Variants in CREB3 observed in about 807,000 individuals in gnomAD.
CREB3 encodes cAMP responsive element binding protein 3.
CREB3 carries 29 observed loss-of-function variants against 34.5 expected under a neutral mutation model. The observed-to-expected ratio is 0.84, with a 90% CI of 0.63 to 1.15. The LOEUF (loss-of-function observed/expected upper bound fraction) is 1.15. CREB3 is among the 50% of genes most tolerant of loss of function. The pLI is 0.00. For synonymous variants in CREB3, 187 were observed against 173.9 expected, an observed-to-expected ratio of 1.08 and a Z score of -0.59; for missense variants, 447 against 443.4, an observed-to-expected ratio of 1.01 and a Z score of -0.07.
At chr9:35,733,359 C>T (rs1826129309) in intron 3 of CREB3, 37 bp from the exon 4 acceptor site, 1 of 1,607,488 alleles carries the variant, frequency 6.2e-7, no homozygotes, top group Admixed American at 1.7e-5. Flanking sequence ...TCTCTGACAT[C>T]CCCATGCAAC....
rs1826130169 is a variant in CREB3, at chr9:35,733,379, CTTTCTTGTTACCCTA to C, written c.346-16_346-2del. 6.2e-7 allele frequency: 1 copy of C among 1,612,478 alleles called. No homozygotes were observed. Among genetic ancestry groups the C allele is most frequent in the South Asian group, 1.1e-5 (1 of 91,042 alleles). ...GACATCCCCATGCAACTGCCGTCCACTTTCTTGTTACCCTAGGAGATTGCTAGGCTAGTACTGACA... is the reference window on the plus strand; with the variant it reads ...GACATCCCCATGCAACTGCCGTCCACGGAGATTGCTAGGCTAGTACTGACA... On this transcript the variant is annotated splice_acceptor_variant and splice_polypyrimidine_tract_variant and intron_variant, in intron 3 of 8. Coordinates refer to ENST00000353704, the MANE Select transcript of CREB3 (RefSeq NM_006368.5). LOFTEE classifies it high-confidence loss of function.
Position 35,735,198 on chromosome 9 carries a change from T to TG in CREB3, c.530dup (p.Leu178PhefsTer42). ...GCCGCAGGAAAAAGAAGGTGTATGT[T>TG]GGGGGTTTAGAGAGCAGGTATGAAA... On this transcript the variant is annotated frameshift_variant, in exon 5 of 9. Coordinates refer to ENST00000353704, the MANE Select transcript of CREB3 (RefSeq NM_006368.5). LOFTEE classifies it high-confidence loss of function. The TG allele has an allele frequency of 6.2e-7, 1 of 1,609,984 alleles. No homozygotes were observed. Among genetic ancestry groups the TG allele is most frequent in the Non-Finnish European group, 8.5e-7 (1 of 1,178,960 alleles).
At chr9:35,733,344 A>G in intron 3 of CREB3, 52 bp from the exon 4 acceptor site, 2 of 1,610,660 alleles carry the variant, frequency 1.2e-6, no homozygotes, top group Non-Finnish European at 1.7e-6. Context: ...AGGATTCCCC[A>G]TTCCTCTCTG....
chr9:35,734,935 G>C (rs1056999076), intron 4 of CREB3, among the ~76,000 whole-genome samples, 174 bp from the exon 5 acceptor site: 2 of 152,102 alleles, frequency 1.3e-5, no homozygotes, highest in African/African-American at 4.8e-5. Flanking sequence ...AAATGGTCTG[G>C]CTTGTTAGGG....
intron 6 of CREB3, 102 bp from the exon 7 acceptor site, chr9:35,735,946 G>A: frequency 3.6e-6 from 3 of 827,562 alleles, no homozygotes; most frequent in Admixed American, 4.2e-5. Context: ...TAAGAGAGAG[G>A]ATCCAGTGCA....
Position 35,733,097 on chromosome 9 carries a change from T to C in CREB3, c.231T>C (p.His77=), listed in dbSNP as rs1255802826. ...CCTCCAACCCCTGCCTTGTCCACCA[T>C]GACCACACCTACTCCCTCCCACGGG... The part of the protein sequence containing the change: ...LSSSNPCLVH[H]DHTYSLPRET... Residue 77 remains histidine, a synonymous_variant, in exon 2 of 9, where the codon CAT becomes CAC. Transcript: ENST00000353704. 1 of 1,614,234 alleles carries C rather than the reference T, an allele frequency of 6.2e-7. No homozygotes were observed. The highest frequency in any genetic ancestry group is 1.7e-5 in the Admixed American group (1 of 60,028).
chr9:35,736,763 G>C lies in CREB3; in HGVS notation c.*37G>C. 6.5e-7 allele frequency: 1 copy of C among 1,539,244 alleles called. No individual in the cohort carries two copies. The highest frequency in any genetic ancestry group is 1.4e-5 in the African/African-American group (1 of 73,548). Reference sequence around the variant, plus strand: ...TGTGGGGGGTCTCAGCAGGAGCCTGGGGGGCTCCCCATCTGTGTCCAAATA... The same window carrying C: ...TGTGGGGGGTCTCAGCAGGAGCCTGCGGGGCTCCCCATCTGTGTCCAAATA... On this transcript the variant is annotated 3_prime_UTR_variant, in exon 9 of 9. Coordinates refer to ENST00000353704, the MANE Select transcript of CREB3 (RefSeq NM_006368.5).
chr9:35,735,502 C>T (rs913435152), intron 6 of CREB3, 128 bp downstream of exon 6: 3 of 789,292 alleles, frequency 3.8e-6, no homozygotes, highest in Non-Finnish European at 6.5e-6. Context: ...CCAAGAAGCT[C>T]CCAGTAGTGA....
Position 35,736,641 on chromosome 9 carries a change from C to G in CREB3, c.1031C>G (p.Pro344Arg). The change falls in exon 9 of 9, where the codon CCC (proline) becomes CGC (arginine). Residue 344 changes from proline to arginine, a missense_variant. By Grantham distance (103) the Pro-to-Arg change is moderately radical. Transcript: ENST00000353704. ...SEPLCRGPIL[P>R]LQANLTRKGG... ...CCTCTCTGCCGAGGTCCCATCCTCC[C>G]CCTGCAGGCAAATCTCACAAGGAAG... is the stretch of plus-strand genomic sequence containing the variant. The G allele has an allele frequency of 6.2e-7, 1 of 1,613,798 alleles. No individual in the cohort carries two copies. Among genetic ancestry groups the G allele is most frequent in the Non-Finnish European group, 8.5e-7 (1 of 1,180,030 alleles).
chr9:35,734,267 A>G (rs1306942199), intron 4 of CREB3, among the ~76,000 whole-genome samples: 2 of 152,130 alleles, frequency 1.3e-5, no homozygotes, highest in Non-Finnish European at 2.9e-5. Context: ...TCTTCAAAGT[A>G]CAAGATGAGT....
rs530130951 is a variant in CREB3, at chr9:35,733,120, G to A, written c.254G>A (p.Arg85Gln). The part of the protein sequence containing the change: ...VHHDHTYSLP[R>Q]ETVSMDLESE... ...CATGACCACACCTACTCCCTCCCAC[G>A]GGAAACTGTCTCTATGGATCTAGGT... is the stretch of plus-strand genomic sequence containing the variant. The change falls in exon 2 of 9, where the codon CGG (arginine) becomes CAG (glutamine). Residue 85 changes from arginine to glutamine, a missense_variant. Transcript: ENST00000353704. 10 of 1,614,054 alleles carry A rather than the reference G, an allele frequency of 6.2e-6. No homozygotes were observed. Among genetic ancestry groups the A allele is most frequent in the Non-Finnish European group, 8.5e-6 (10 of 1,180,040 alleles).
rs370021036 is a variant in CREB3, at chr9:35,736,031, C to A, written c.612-17C>A. On this transcript the variant is annotated splice_polypyrimidine_tract_variant and intron_variant, in intron 6 of 8. Coordinates refer to ENST00000353704, the MANE Select transcript of CREB3 (RefSeq NM_006368.5). Reference sequence around the variant, plus strand: ...TAGGCCAGGGGATGCTCACTATTGGCCCCTCTCTTCCTCTAGGTCCCTTCT... The same window carrying A: ...TAGGCCAGGGGATGCTCACTATTGGACCCTCTCTTCCTCTAGGTCCCTTCT... The A allele has an allele frequency of 8.8e-5, 141 of 1,600,974 alleles. No homozygotes were observed. The African/African-American group carries it at 1.7e-3, about 19-fold the overall frequency.
At position 35,736,625 on chromosome 9, in the gene CREB3, C is replaced by A. The variant is rs568701580; in HGVS notation, c.1015C>A (p.Arg339=). 1 of 1,613,876 alleles carries A rather than the reference C, an allele frequency of 6.2e-7. No individual in the cohort carries two copies. The highest frequency in any genetic ancestry group is 1.7e-5 in the Admixed American group (1 of 60,026). ...FPDLFSEPLC[R]GPILPLQANL... is the part of the protein sequence containing the mutation. ...TGACCTCTTCTCAGAGCCTCTCTGC[C>A]GAGGTCCCATCCTCCCCCTGCAGGC... Residue 339 remains arginine, a synonymous_variant, in exon 9 of 9, where the codon CGA becomes AGA. Coordinates refer to ENST00000353704, the MANE Select transcript of CREB3 (RefSeq NM_006368.5).
At position 35,736,565 on chromosome 9, in the gene CREB3, C is replaced by T. The variant is rs1325845649; in HGVS notation, c.955C>T (p.Pro319Ser). 1.2e-6 allele frequency: 2 copies of T among 1,614,188 alleles called. No homozygotes were observed. The highest frequency in any genetic ancestry group is 2.7e-5 in the African/African-American group (2 of 75,060). Residue 319 changes from proline to serine, a missense_variant, in exon 9 of 9, where the codon CCC becomes TCC. Physicochemically the swap from Pro to Ser is moderately conservative, Grantham distance 74. Coordinates refer to ENST00000353704, the MANE Select transcript of CREB3 (RefSeq NM_006368.5). Reference protein sequence around the residue: ...SCLLHYMPQAPSAEPPLEWPF... With the variant: ...SCLLHYMPQASSAEPPLEWPF... ...CCTGCTGCATTACATGCCTCAGGCT[C>T]CCAGTGCAGAGCCTCCCCTGGAGTG...
At chr9:35,733,563 C>T in intron 4 of CREB3, 78 bp downstream of exon 4, 1 of 957,866 alleles carries the variant, frequency 1.0e-6, no homozygotes, top group Non-Finnish European at 1.6e-6. Context: ...AACTTTATAT[C>T]AATAACTTTA....
intron 6 of CREB3, 83 bp downstream of exon 6, chr9:35,735,457 C>A: frequency 7.8e-7 from 1 of 1,278,116 alleles, no homozygotes; most frequent in Non-Finnish European, 1.1e-6. Context: ...CACTTGATTT[C>A]TAACTGGGCA....
intron 4 of CREB3, among the ~76,000 whole-genome samples, chr9:35,734,363 G>A (rs914268186): frequency 6.6e-6 from 1 of 152,130 alleles, no homozygotes; most frequent in East Asian, 1.9e-4. Flanking sequence ...TCACTCTCTT[G>A]CTTTCCTTGA....
chr9:35,736,237 T>C lies in CREB3; in HGVS notation c.707T>C (p.Val236Ala). 1 of 1,614,148 alleles carries C rather than the reference T, an allele frequency of 6.2e-7. No homozygotes were observed. The highest frequency in any genetic ancestry group is 2.2e-5 in the East Asian group (1 of 44,882). Residue 236 changes from valine (V) to alanine (A), a missense_variant, in exon 8 of 9, where the codon GTC becomes GCC. Physicochemically the swap from Val to Ala is moderately conservative, Grantham distance 64. Transcript: ENST00000353704. The part of the protein sequence containing the change: ...SSSTCILVLL[V>A]SFCLLLVPAM... Reference sequence around the variant, plus strand: ...TTTCCTGTGCTCTAGGTCCTACTAGTCTCCTTCTGCCTCCTCCTTGTACCT... The same window carrying C: ...TTTCCTGTGCTCTAGGTCCTACTAGCCTCCTTCTGCCTCCTCCTTGTACCT...
In CREB3 at chr9:35,733,291, C is replaced by T. The variant is rs185612359; in HGVS notation, c.345+9C>T. 4 of 1,614,126 alleles carry T rather than the reference C, an allele frequency of 2.5e-6. No homozygotes were observed. In the East Asian group the frequency reaches 8.9e-5, roughly 36 times the overall value. ...AGGAGCTGGCAGAGCAGGTACTTGACTTGATTTTCAGGAGATTACTCTCAC... is the reference window on the plus strand; with the variant it reads ...AGGAGCTGGCAGAGCAGGTACTTGATTTGATTTTCAGGAGATTACTCTCAC... On this transcript the variant is annotated intron_variant, in intron 3 of 8. Transcript: ENST00000353704.
Sources: allele counts gnomAD v4.1 joint callset (sites outside exome capture counted in the v4.1 genomes callset), GRCh38; gene constraint gnomAD v4.1.1; transcripts MANE v1.5; gene names NCBI Gene and HGNC (gene_info 2026-07-23, HGNC 2026-07-21).